Variants in ARRB1 observed in about 807,000 individuals in gnomAD.
ARRB1 encodes the protein arrestin beta 1, also known as beta-arrestin-1.
A neutral mutation model predicts 56.8 loss-of-function variants in ARRB1; 21 were observed. The ratio of observed to expected loss-of-function variants is 0.37; its 90% CI spans 0.26 to 0.53. The LOEUF (loss-of-function observed/expected upper bound fraction) is 0.53, where lower values mean the gene tolerates loss of function less well. Among genes scored for constraint, ARRB1 ranks in the 20% least tolerant of loss-of-function variants. ARRB1 has a pLI of 0.88. For missense variants in ARRB1, 424 were observed against 553.7 expected (o/e 0.77, Z 2.35); for synonymous variants, 210 against 218.6 (o/e 0.96, Z 0.35).
chr11:75,340,082 A>T (rs1947671799), intron 1 of ARRB1, among the ~76,000 whole-genome samples: 1 of 152,230 alleles, frequency 6.6e-6, no homozygotes, highest in Non-Finnish European at 1.5e-5. Flanking sequence ...CCACTTCGGG[A>T]CATGCCTTGA....
chr11:75,350,796 G>A (rs936496203), intron 1 of ARRB1, among the ~76,000 whole-genome samples: 3 of 152,336 alleles, frequency 2.0e-5, no homozygotes, highest in South Asian at 4.1e-4. Flanking sequence ...GGGGGTGGCG[G>A]GGGGCGCTCT....
intron 1 of ARRB1, among the ~76,000 whole-genome samples, chr11:75,319,180 T>C (rs536197737): frequency 6.6e-6 from 1 of 152,154 alleles, no homozygotes; most frequent in African/African-American, 2.4e-5. Context: ...TCAAACCCCA[T>C]AACCTGCTCG....
At chr11:75,320,684 GACC>G (rs1947334983) in intron 1 of ARRB1, among the ~76,000 whole-genome samples, 1 of 152,218 alleles carries the variant, frequency 6.6e-6, no homozygotes, top group East Asian at 1.9e-4. Context: ...AAAGCCCTCA[GACC>G]TGACCTCAGC....
At chr11:75,351,503 A>C in intron 1 of ARRB1, 85 bp downstream of exon 1, 1 of 1,485,518 alleles carries the variant, frequency 6.7e-7, no homozygotes, top group Non-Finnish European at 8.9e-7. Flanking sequence ...CGAACGCAGA[A>C]CCAGGACGCA....
chr11:75,278,701 C>G lies in ARRB1; in HGVS notation c.526G>C (p.Glu176Gln). 4 of 1,613,882 alleles carry G rather than the reference C, an allele frequency of 2.5e-6. No homozygotes were observed. Among genetic ancestry groups the G allele is most frequent in the Non-Finnish European group, 3.4e-6 (4 of 1,179,854 alleles). ...GCTGTGGGCTGGGGGCCAGGCCTCT[C>G]TGGGGCATACTGAACCTTCCGGATG... Reference protein sequence around the residue: ...LVIRKVQYAPERPGPQPTAET... With the variant: ...LVIRKVQYAPQRPGPQPTAET... The change falls in exon 8 of 16, where the codon GAG becomes CAG. Residue 176 changes from glutamate to glutamine, a missense_variant. By Grantham distance (29) the Glu-to-Gln change is conservative (BLOSUM62 2). Transcript: ENST00000420843.
chr11:75,277,449 C>CT lies in ARRB1; in HGVS notation c.619-2dup, dbSNP rs540372458. ...TGATGGGTTCTCCATGGTAATAGATCTGGGGGGCATAAGAAGGGACGGGGT... is the reference window on the plus strand; with the variant it reads ...TGATGGGTTCTCCATGGTAATAGATCTTGGGGGGCATAAGAAGGGACGGGGT... On this transcript the variant is annotated splice_acceptor_variant, in intron 8 of 15. Transcript: ENST00000420843. LOFTEE classifies it high-confidence loss of function. 3.1e-6 allele frequency: 5 copies of CT among 1,613,952 alleles called. No homozygotes were observed. The highest frequency in any genetic ancestry group is 4.2e-6 in the Non-Finnish European group (5 of 1,179,958).
intron 1 of ARRB1, among the ~76,000 whole-genome samples, chr11:75,328,802 G>A (rs759408528): frequency 7.9e-5 from 12 of 152,228 alleles, no homozygotes; most frequent in Non-Finnish European, 1.5e-4. Context: ...TCCAAGATGC[G>A]TATAGACAGG....
chr11:75,303,608 G>A, intron 1 of ARRB1: 1 of 456,118 alleles, frequency 2.2e-6, no homozygotes, highest in Non-Finnish European at 4.4e-6. Flanking sequence ...CCTGCAGAAG[G>A]TACAGGCCCC....
chr11:75,348,786 T>C (rs1425293233), intron 1 of ARRB1, among the ~76,000 whole-genome samples: 4 of 152,036 alleles, frequency 2.6e-5, no homozygotes, highest in South Asian at 2.1e-4. Flanking sequence ...TTTGTAGAGA[T>C]GGTATGTTGC....
chr11:75,345,303 G>A (rs1947748463), intron 1 of ARRB1, among the ~76,000 whole-genome samples: 2 of 152,218 alleles, frequency 1.3e-5, no homozygotes, highest in South Asian at 2.1e-4. Context: ...CCCTGCCAGG[G>A]CCCCTTAGGG....
chr11:75,305,574 C>G (rs1222367503), intron 1 of ARRB1, among the ~76,000 whole-genome samples: 1 of 152,276 alleles, frequency 6.6e-6, no homozygotes. Flanking sequence ...ATCCCCCACC[C>G]TTCTTTTTTT....
chr11:75,274,039 A>C (rs200005197), intron 11 of ARRB1, 35 bp downstream of exon 11: 1 of 1,613,760 alleles, frequency 6.2e-7, no homozygotes. Flanking sequence ...GGCAAGATGC[A>C]CTAGGAGCCC....
chr11:75,320,579 C>A lies in ARRB1; in HGVS notation c.21-30540G>T, dbSNP rs377545197. On this transcript the variant is annotated intron_variant, in intron 1 of 15. Coordinates refer to ENST00000420843, the MANE Select transcript of ARRB1 (RefSeq NM_004041.5). ...CAGGGCCTGCTCAGCTCTGTTCCCGCAAGGGCTGAAGGCTCCAGGAGGAAG... is the reference window on the plus strand; with the variant it reads ...CAGGGCCTGCTCAGCTCTGTTCCCGAAAGGGCTGAAGGCTCCAGGAGGAAG... Among the ~76,000 whole-genome samples the A allele has an allele frequency of 2.3e-3, 353 of 152,288 alleles. 2 individuals are homozygous for A. Among genetic ancestry groups the A allele is most frequent in the African/African-American group, 7.8e-3 (325 of 41,556 alleles).
At chr11:75,285,986 G>C (rs1946459436) in intron 3 of ARRB1, among the ~76,000 whole-genome samples, 2 of 152,214 alleles carry the variant, frequency 1.3e-5, no homozygotes, top group Admixed American at 6.5e-5. Context: ...AAGGGACACT[G>C]AGCTTCAGAA....
rs1186623672 is a variant in ARRB1 at position 75,271,713 on chromosome 11, T to C, written c.1010A>G (p.Asp337Gly). The C allele has an allele frequency of 6.4e-7, 1 of 1,571,618 alleles. No homozygotes were observed. The highest frequency in any genetic ancestry group is 1.2e-5 in the South Asian group (1 of 84,940). ...LVVSRGGLLG[D>G]LASSDVAVEL... ...GGGAGGAATTTACCTGGATGCAAGA[T>C]CTCCCAACAGGCTGGGTGGGTCAGA... is the stretch of plus-strand genomic sequence containing the variant. The change falls in exon 13 of 16, where the codon GAT becomes GGT. Residue 337 changes from aspartate to glycine, a missense_variant. Asp to Gly is a moderately conservative substitution (Grantham distance 94). Transcript: ENST00000420843.
chr11:75,286,253 ATCTT>A (rs1946469468), intron 3 of ARRB1, among the ~76,000 whole-genome samples: 1 of 92,848 alleles, frequency 1.1e-5, no homozygotes, highest in East Asian at 3.1e-4. Context: ...TGATTTGCTC[ATCTT>A]TTTTTTTTTT....
intron 1 of ARRB1, among the ~76,000 whole-genome samples, chr11:75,292,731 G>A (rs1041139427): frequency 1.3e-5 from 2 of 152,230 alleles, no homozygotes; most frequent in Admixed American, 6.5e-5. Flanking sequence ...GCTGGAAGGA[G>A]CGAGACACCC....
chr11:75,269,831 C>T (rs762714101), intron 13 of ARRB1, among the ~76,000 whole-genome samples: 1 of 152,238 alleles, frequency 6.6e-6, no homozygotes, highest in Non-Finnish European at 1.5e-5. Context: ...ATAACCACAC[C>T]CTTGATCACT....
chr11:75,267,500 G>A (rs1433754455), intron 15 of ARRB1, 152 bp downstream of exon 15: 9 of 717,926 alleles, frequency 1.3e-5, no homozygotes, highest in East Asian at 5.5e-5. Flanking sequence ...GCAGGCAAGC[G>A]GGTTGCTGAA....
Sources: allele counts gnomAD v4.1 joint callset (sites outside exome capture counted in the v4.1 genomes callset), GRCh38; gene constraint gnomAD v4.1.1; transcripts MANE v1.5; gene names NCBI Gene and HGNC (gene_info 2026-07-23, HGNC 2026-07-21).